TRAK1: variants seen among roughly 807,000 people sequenced by gnomAD.
The protein encoded by TRAK1 is trafficking kinesin-binding protein 1.
Under a neutral mutation model 92.1 loss-of-function variants are expected in TRAK1, and 33 were observed. That is an observed-to-expected ratio of 0.36 (90% confidence interval 0.27 to 0.48). TRAK1 has a LOEUF of 0.48. Among genes scored for constraint, TRAK1 ranks in the 20% least tolerant of loss-of-function variants. The pLI, the probability that TRAK1 is intolerant of heterozygous loss-of-function variation, is 0.99. For synonymous variants in TRAK1, 521 were observed against 517.3 expected (o/e 1.01, Z -0.10); for missense variants, 1,123 against 1,257.9 (o/e 0.89, Z 1.62).
chr3:42,067,293 A>G (rs1255112988), intron 1 of TRAK1, among the ~76,000 whole-genome samples: 4 of 152,226 alleles, frequency 2.6e-5, no homozygotes, highest in Non-Finnish European at 5.9e-5. Flanking sequence ...TCTGAAAATT[A>G]GGTATTTAAG....
chr3:42,223,325 C>G lies in TRAK1; in HGVS notation c.2450C>G (p.Ser817Cys). 6.2e-7 allele frequency: 1 copy of G among 1,614,236 alleles called. No homozygotes were observed. The highest frequency in any genetic ancestry group is 8.5e-7 in the Non-Finnish European group (1 of 1,180,042). The change falls in exon 16 of 16, where the codon TCC becomes TGC. Residue 817 changes from serine (S) to cysteine (C), a missense_variant. By Grantham distance (112) the Ser-to-Cys change is moderately radical. This residue lies in a region of TRAK1 where 401 missense variants were observed against 438.9 expected (regional missense o/e 0.91). Transcript: ENST00000327628. This position sits in a 1 kb window ranked among gnomAD's most constrained non-coding sequence, Gnocchi z 6.1. The stretch of plus-strand genomic sequence containing the variant: ...TTCCTGGCTTCCAAGCCAGCCAGCT[C>G]CATCCTGAGGGAAGTGAGAGAAAAG... ...DNFLASKPAS[S>C]ILREVREKNV...
At chr3:42,143,308 C>CTTTT (rs369435084) in intron 2 of TRAK1, among the ~76,000 whole-genome samples, 4 of 139,258 alleles carry the variant, frequency 2.9e-5, no homozygotes, top group Non-Finnish European at 6.2e-5. Context: ...TGTACCTCTT[C>CTTTT]TTTTTTTTTT....
intron 2 of TRAK1, among the ~76,000 whole-genome samples, chr3:42,143,516 G>T (rs764280921): frequency 1.3e-5 from 2 of 152,144 alleles, no homozygotes; most frequent in Non-Finnish European, 2.9e-5. Context: ...CCATTAGGTC[G>T]CAGGGGTCTG....
Position 42,093,669 on chromosome 3 carries a change from C to CCCTTCCCTTCCCTT in TRAK1, c.91+2111_91+2112insTTCCCTTCCCTTCC, listed in dbSNP as rs1559755696. On this transcript the variant is annotated intron_variant, in intron 1 of 15. Transcript: ENST00000327628. ...TTTCTCCCCTTCCCTTCCCTTCCCT[C>CCCTTCCCTTCCCTT]CCCTCCCCTCCCCTCCCCTCCCCTC... 6.2e-3 allele frequency among the ~76,000 whole-genome samples: 65 copies of CCCTTCCCTTCCCTT among 10,450 alleles called. 5 individuals are homozygous for CCCTTCCCTTCCCTT. Among genetic ancestry groups the CCCTTCCCTTCCCTT allele is most frequent in the South Asian group, 0.02 (2 of 98 alleles). The allele number at this position is 10,450 out of a possible 152,430, so 6.9% of individuals were successfully genotyped here. A position where few individuals can be genotyped will look rare whatever the true frequency, so the allele number is the denominator to read the frequency against.
chr3:42,185,038 G>T, intron 4 of TRAK1: 1 of 501,018 alleles, frequency 2.0e-6, no homozygotes, highest in Non-Finnish European at 3.6e-6. Flanking sequence ...CATGTGGATG[G>T]GATGGCTAAG....
chr3:42,189,242 G>T, intron 6 of TRAK1, 118 bp downstream of exon 6: 1 of 726,028 alleles, frequency 1.4e-6, no homozygotes, highest in Non-Finnish European at 2.4e-6. Flanking sequence ...GTGAAGAGCT[G>T]TACCAGGCGC....
At chr3:42,087,640 G>A (rs568205155), upstream of TRAK1, among the ~76,000 whole-genome samples, 45 of 152,352 alleles carry the variant, frequency 3.0e-4, no homozygotes, top group Non-Finnish European at 6.0e-4. Flanking sequence ...GAGGTAGACA[G>A]CATTTCACTA....
intron 1 of TRAK1, among the ~76,000 whole-genome samples, chr3:42,116,048 G>A (rs1709116277): frequency 6.6e-6 from 1 of 152,212 alleles, no homozygotes; most frequent in Non-Finnish European, 1.5e-5. Context: ...AGATACAAGT[G>A]CTTTGCGTTG....
chr3:42,082,747 A>G (rs1010386726), upstream of TRAK1, among the ~76,000 whole-genome samples: 1 of 152,224 alleles, frequency 6.6e-6, no homozygotes, highest in African/African-American at 2.4e-5. Flanking sequence ...CAAAGTGAGA[A>G]AGTATTTCCA....
chr3:42,215,224 A>G (rs1008710237), intron 14 of TRAK1, among the ~76,000 whole-genome samples: 4 of 152,232 alleles, frequency 2.6e-5, no homozygotes, highest in Non-Finnish European at 5.9e-5. Context: ...TCTTTTAGGA[A>G]GAGATAAAGC....
chr3:42,122,769 T>C (rs1710052579), intron 1 of TRAK1, among the ~76,000 whole-genome samples: 1 of 152,140 alleles, frequency 6.6e-6, no homozygotes, highest in African/African-American at 2.4e-5. Context: ...TGCCTTGAGG[T>C]TGGGCTATTG....
intron 14 of TRAK1, chr3:42,210,353 G>A (rs1334756572): frequency 6.9e-7 from 1 of 1,446,750 alleles, no homozygotes; most frequent in Non-Finnish European, 9.1e-7. Flanking sequence ...GCCCATCTTG[G>A]AGGTGCATGG....
chr3:42,087,070 C>CT (rs1471121000), upstream of TRAK1: 1 of 152,348 alleles, frequency 6.6e-6, no homozygotes, highest in Non-Finnish European at 1.5e-5. Flanking sequence ...TCGATAGACT[C>CT]TAACTGTGCC....
intron 15 of TRAK1, chr3:42,220,377 G>A (rs781308485): frequency 7.5e-6 from 5 of 666,086 alleles, no homozygotes; most frequent in Non-Finnish European, 9.3e-6. Context: ...CCCTAACAGA[G>A]TAGAACGACC....
At chr3:42,222,182 C>T (rs1577078680) in intron 15 of TRAK1, among the ~76,000 whole-genome samples, 2 of 152,114 alleles carry the variant, frequency 1.3e-5, no homozygotes, top group Non-Finnish European at 2.9e-5. Context: ...GCTTTCCTTC[C>T]GTAACTCAGG....
intron 1 of TRAK1, among the ~76,000 whole-genome samples, chr3:42,112,039 A>G (rs1708479557): frequency 6.7e-6 from 1 of 149,920 alleles, no homozygotes; most frequent in Non-Finnish European, 1.5e-5. Context: ...GTCAAAAAGT[A>G]GCCCCTACTC....
chr3:42,091,617 A>G (rs1304895359), intron 1 of TRAK1, 57 bp downstream of exon 1: 3 of 1,532,060 alleles, frequency 2.0e-6, no homozygotes, highest in Non-Finnish European at 2.7e-6. Context: ...GTGGTCGGAA[A>G]GGAGAAAAGA....
exon 1 of TRAK1, chr3:42,014,018 G>A (rs1701410674): frequency 6.9e-6 from 1 of 145,350 alleles, no homozygotes; most frequent in African/African-American, 2.4e-5. Flanking sequence ...GAAGCCGCCG[G>A]GCGGCCGGGG....
At chr3:42,195,051 T>G in intron 10 of TRAK1, 110 bp downstream of exon 10, 1 of 1,365,306 alleles carries the variant, frequency 7.3e-7, no homozygotes, top group Non-Finnish European at 1.0e-6. Context: ...CGCTTCTCGT[T>G]GTACAGTTCA....
Sources: allele counts gnomAD v4.1 joint callset (sites outside exome capture counted in the v4.1 genomes callset), GRCh38; gene constraint gnomAD v4.1.1; regional missense constraint gnomAD v4.1.1; non-coding constraint Gnocchi (gnomAD v3.1); transcripts MANE v1.5; gene names NCBI Gene and HGNC (gene_info 2026-07-23, HGNC 2026-07-21).